The following EDA variants were observed in gnomAD, a reference collection of about 807,000 sequenced individuals.
EDA encodes ectodysplasin A.
In EDA, 2 loss-of-function variants were observed where a neutral mutation model predicts 23.6. The observed-to-expected ratio is 0.08, with a 90% CI of 0.03 to 0.27. The LOEUF (loss-of-function observed/expected upper bound fraction) is 0.27, where lower values mean the gene tolerates loss of function less well. Among genes scored for constraint, EDA ranks in the 10% least tolerant of loss-of-function variants. The pLI, the probability that EDA is intolerant of heterozygous loss-of-function variation, is 1.00. For missense variants in EDA, 229 were observed against 324.2 expected (o/e 0.71, Z 2.26); for synonymous variants, 131 against 132.0 (o/e 0.99, Z 0.05).
chrX:69,668,341 C>A (rs189539301), intron 1 of EDA, among the ~76,000 whole-genome samples: 1 of 111,827 alleles, frequency 8.9e-6, no homozygotes, highest in East Asian at 2.8e-4. Flanking sequence ...TGATTTCAAT[C>A]TTTCTCAATT....
chrX:69,747,980 A>G (rs1233291650), intron 1 of EDA, among the ~76,000 whole-genome samples: 2 of 111,130 alleles, frequency 1.8e-5, no homozygotes, highest in East Asian at 5.7e-4. Context: ...AAATGTTGCA[A>G]ATAGGCCTTT....
chrX:69,628,654 A>T (rs938317746), intron 1 of EDA, among the ~76,000 whole-genome samples: 30 of 111,619 alleles, frequency 2.7e-4, no homozygotes, highest in African/African-American at 9.5e-4. Context: ...ACCAAATTTT[A>T]TAAAAGTAAA....
intron 1 of EDA, among the ~76,000 whole-genome samples, chrX:69,827,749 G>A (rs1216544559): frequency 5.3e-5 from 6 of 112,184 alleles, no homozygotes; most frequent in South Asian, 3.7e-4. Flanking sequence ...GTGAGGAACT[G>A]TGTTCCTTTG....
Position 69,663,444 on chromosome X carries a change from A to T in EDA, c.396+46740A>T, listed in dbSNP as rs1933580726. 8.0e-5 allele frequency among the ~76,000 whole-genome samples: 9 copies of T among 112,418 alleles called. No homozygotes were observed. The South Asian group carries it at 3.3e-3, about 41-fold the overall frequency. Reference sequence around the variant, plus strand: ...CTTCCATGTGGTATTGAGCCTGCGGATGCACAGAAGTCAAGAATTGAAGTT... The same window carrying T: ...CTTCCATGTGGTATTGAGCCTGCGGTTGCACAGAAGTCAAGAATTGAAGTT... On this transcript the variant is annotated intron_variant, in intron 1 of 7. Transcript: ENST00000374552.
chrX:69,630,828 A>G (rs1932544115), intron 1 of EDA, among the ~76,000 whole-genome samples: 1 of 111,734 alleles, frequency 8.9e-6, no homozygotes, highest in Non-Finnish European at 1.9e-5. Context: ...GCATTTACAA[A>G]TGCTTTCTTT....
At chrX:69,655,635 T>A (rs1933283883) in intron 1 of EDA, among the ~76,000 whole-genome samples, 1 of 105,284 alleles carries the variant, frequency 9.5e-6, no homozygotes, top group Non-Finnish European at 1.9e-5. Flanking sequence ...TAGTGATCAT[T>A]TTTGGATAAA....
At chrX:69,907,541 A>C (rs1382697331) in intron 1 of EDA, among the ~76,000 whole-genome samples, 1 of 111,892 alleles carries the variant, frequency 8.9e-6, no homozygotes, top group Non-Finnish European at 1.9e-5. Flanking sequence ...CCTAGAACCA[A>C]GTACACATTC....
At chrX:69,790,541 A>C (rs1302761192) in intron 1 of EDA, among the ~76,000 whole-genome samples, 4 of 111,974 alleles carry the variant, frequency 3.6e-5, no homozygotes, top group African/African-American at 1.3e-4. Flanking sequence ...AAATATATGC[A>C]GTATGCATAC....
At chrX:69,713,502 C>T (rs2012178631) in intron 1 of EDA, among the ~76,000 whole-genome samples, 1 of 111,430 alleles carries the variant, frequency 9.0e-6, no homozygotes, top group Non-Finnish European at 1.9e-5. Flanking sequence ...ATAAACACAC[C>T]CGCTGCCTCC....
chrX:70,007,261 C>T (rs2019814927), intron 2 of EDA, among the ~76,000 whole-genome samples: 1 of 111,685 alleles, frequency 9.0e-6, no homozygotes. Context: ...TGTTGATACC[C>T]ACAAGGCAAC....
At chrX:69,889,552 T>C (rs2017891875) in intron 1 of EDA, among the ~76,000 whole-genome samples, 1 of 112,109 alleles carries the variant, frequency 8.9e-6, no homozygotes, top group Non-Finnish European at 1.9e-5. Context: ...GCTGAGTATC[T>C]TTCCATGTGC....
At chrX:69,732,976 A>G (rs1469975828) in intron 1 of EDA, among the ~76,000 whole-genome samples, 3 of 109,642 alleles carry the variant, frequency 2.7e-5, no homozygotes, top group Admixed American at 9.8e-5. Context: ...ATTTGTTTAA[A>G]TTCTTCATAG....
intron 1 of EDA, among the ~76,000 whole-genome samples, chrX:69,824,661 T>G (rs1191155645): frequency 6.0e-5 from 6 of 99,857 alleles, no homozygotes; most frequent in Non-Finnish European, 1.0e-4. Context: ...CAATTTGACT[T>G]CTTCTTTTCC....
intron 1 of EDA, among the ~76,000 whole-genome samples, chrX:69,754,370 T>C (rs2147397979): frequency 8.9e-6 from 1 of 112,016 alleles, no homozygotes; most frequent in East Asian, 2.8e-4. Context: ...AATTCTTTTC[T>C]TCAAGAATGT....
chrX:69,908,058 C>T (rs2018205083), intron 1 of EDA, among the ~76,000 whole-genome samples: 2 of 111,544 alleles, frequency 1.8e-5, no homozygotes, highest in Admixed American at 9.5e-5. Context: ...TTTGCTGAAG[C>T]TATGGATCTG....
At chrX:69,767,169 T>C (rs2014494547) in intron 1 of EDA, among the ~76,000 whole-genome samples, 1 of 111,860 alleles carries the variant, frequency 8.9e-6, no homozygotes, top group Admixed American at 9.5e-5. Context: ...GTAACATAAT[T>C]ACTAGTAACA....
At chrX:69,890,014 T>A (rs1197720148) in intron 1 of EDA, among the ~76,000 whole-genome samples, 1 of 112,020 alleles carries the variant, frequency 8.9e-6, no homozygotes, top group Admixed American at 9.5e-5. Flanking sequence ...TATTCGGTTG[T>A]CCAAGTACCA....
intron 1 of EDA, among the ~76,000 whole-genome samples, chrX:69,758,563 G>T (rs1382374369): frequency 2.7e-5 from 3 of 112,626 alleles, no homozygotes; most frequent in Non-Finnish European, 3.8e-5. Flanking sequence ...GCCAGGCGTG[G>T]TGGCTCACGC....
chrX:69,714,458 A>C (rs2012235072), intron 1 of EDA, among the ~76,000 whole-genome samples: 1 of 111,712 alleles, frequency 9.0e-6, no homozygotes, highest in South Asian at 3.7e-4. Context: ...TTTTGTGTCA[A>C]GTCTAAGAAC....
Sources: gnomAD v4.1 joint callset for allele counts (sites outside exome capture counted in the v4.1 genomes callset) on GRCh38, gnomAD v4.1.1 for gene constraint, MANE v1.5 for transcripts, NCBI Gene and HGNC (gene_info 2026-07-23, HGNC 2026-07-21) for gene names.